The following VPS39 variants were observed in gnomAD, a reference collection of about 807,000 sequenced individuals.
VPS39 encodes the protein vam6/Vps39-like protein.
Under a neutral mutation model 121.0 loss-of-function variants are expected in VPS39, and 70 were observed. That is an observed-to-expected ratio of 0.58 (90% CI 0.48 to 0.71). The LOEUF is 0.71. Ranked by LOEUF, VPS39 falls within the 30% of genes least tolerant of loss-of-function variation. VPS39 has a pLI of 0.00. For synonymous variants in VPS39, 378 were observed against 398.1 expected (o/e 0.95, Z 0.60); for missense variants, 818 against 1,051.5 (o/e 0.78, Z 3.07).
At chr15:42,199,039 C>T (rs1162438540) in intron 2 of VPS39, among the ~76,000 whole-genome samples, 1 of 152,114 alleles carries the variant, frequency 6.6e-6, no homozygotes, top group East Asian at 1.9e-4. Flanking sequence ...CTCCAGGTTC[C>T]ACAAGAGAGC....
At chr15:42,206,220 C>A (rs2050168592) in intron 1 of VPS39, among the ~76,000 whole-genome samples, 1 of 152,162 alleles carries the variant, frequency 6.6e-6, no homozygotes, top group Admixed American at 6.5e-5. Context: ...CCCTGTGTGA[C>A]CTGCCTCTGG....
chr15:42,203,901 A>G (rs2050117623), intron 1 of VPS39, among the ~76,000 whole-genome samples: 1 of 152,236 alleles, frequency 6.6e-6, no homozygotes, highest in African/African-American at 2.4e-5. Flanking sequence ...CTGAGACTCA[A>G]TACAGTAACA....
At chr15:42,179,472 G>A (rs1381181921) in intron 8 of VPS39, among the ~76,000 whole-genome samples, 2 of 151,284 alleles carry the variant, frequency 1.3e-5, no homozygotes, top group Non-Finnish European at 2.9e-5. Context: ...AGCTACTCGG[G>A]AGGCTGAGGC....
At chr15:42,180,295 C>T (rs1036606115) in intron 8 of VPS39, among the ~76,000 whole-genome samples, 6 of 152,192 alleles carry the variant, frequency 3.9e-5, no homozygotes, top group African/African-American at 1.4e-4. Context: ...ACCTTTCATT[C>T]ATCTATCCAT....
chr15:42,208,066 G>A lies in VPS39; in HGVS notation c.73+15C>T, dbSNP rs370310112. On this transcript the variant is annotated intron_variant, in intron 1 of 24. Transcript: ENST00000318006. ...TGTGCTGACTCCGCCTCGGCCCCGC[G>A]GCCCCTCGGCTCACCCCAGGCAGCC... The A allele has an allele frequency of 2.1e-4, 326 of 1,570,876 alleles. No individual in the cohort carries two copies. The highest frequency in any genetic ancestry group is 2.7e-4 in the Non-Finnish European group (312 of 1,157,474).
chr15:42,187,435 G>A, intron 6 of VPS39, 72 bp from the exon 7 acceptor site: 2 of 1,387,330 alleles, frequency 1.4e-6, no homozygotes, highest in Admixed American at 2.2e-5. Flanking sequence ...CTGTTATTCT[G>A]CAACCTCCAT....
intron 8 of VPS39, among the ~76,000 whole-genome samples, chr15:42,182,937 G>A (rs539449674): frequency 3.3e-5 from 5 of 152,220 alleles, no homozygotes; most frequent in South Asian, 4.1e-4. Context: ...AAACAAGGTC[G>A]CCTAGAACAT....
chr15:42,189,794 C>CTTTTTT (rs34353468), intron 4 of VPS39, among the ~76,000 whole-genome samples: 3 of 34,026 alleles, frequency 8.8e-5, no homozygotes, highest in African/African-American at 2.7e-4. Context: ...CCAAAACACT[C>CTTTTTT]TTTTTTTTTT....
At chr15:42,180,276 T>TA (rs954291177) in intron 8 of VPS39, among the ~76,000 whole-genome samples, 7 of 151,102 alleles carry the variant, frequency 4.6e-5, no homozygotes, top group South Asian at 2.1e-4. Context: ...CTATTATATC[T>TA]AAAAAAAAAC....
chr15:42,167,720 C>CA (rs1314091873), intron 12 of VPS39, among the ~76,000 whole-genome samples, 183 bp from the exon 13 acceptor site: 2 of 152,116 alleles, frequency 1.3e-5, no homozygotes, highest in African/African-American at 4.8e-5. Flanking sequence ...TGAATATTTA[C>CA]TACAGACCAG....
At chr15:42,201,178 T>TTA (rs2050060770) in intron 1 of VPS39, among the ~76,000 whole-genome samples, 1 of 151,872 alleles carries the variant, frequency 6.6e-6, no homozygotes, top group Non-Finnish European at 1.5e-5. Context: ...CACTTTTTTT[T>TTA]AACTTTTATT....
chr15:42,184,465 T>G, intron 8 of VPS39, 52 bp downstream of exon 8: 1 of 1,528,254 alleles, frequency 6.5e-7, no homozygotes, highest in South Asian at 1.3e-5. Context: ...TCTGCAGGAA[T>G]GGCACACAAC....
chr15:42,175,419 A>G (rs1457361420), intron 10 of VPS39, among the ~76,000 whole-genome samples: 10 of 151,874 alleles, frequency 6.6e-5, no homozygotes, highest in African/African-American at 2.2e-4. Context: ...GAAAAAAAAA[A>G]AAAAAGAAAG....
chr15:42,198,396 G>A (rs2049989610), intron 2 of VPS39, among the ~76,000 whole-genome samples: 1 of 152,110 alleles, frequency 6.6e-6, no homozygotes, highest in Non-Finnish European at 1.5e-5. Context: ...TGTTGCTGAG[G>A]CTGGAGAGCA....
chr15:42,206,849 A>G lies in VPS39; in HGVS notation c.73+1232T>C, dbSNP rs1488939194. On this transcript the variant is annotated intron_variant, in intron 1 of 24. Coordinates refer to ENST00000318006, the MANE Select transcript of VPS39 (RefSeq NM_015289.5). ...TATCTGATGAAGCAATGGGGGAATT[A>G]ATCCTTTCATGCAGTGTCAGGTCTT... 2.6e-5 allele frequency among the ~76,000 whole-genome samples: 4 copies of G among 152,216 alleles called. No homozygotes were observed. The East Asian group carries it at 7.7e-4, about 29-fold the overall frequency.
At chr15:42,171,728 T>C (rs997062110) in intron 11 of VPS39, among the ~76,000 whole-genome samples, 4 of 152,180 alleles carry the variant, frequency 2.6e-5, no homozygotes, top group Non-Finnish European at 5.9e-5. Flanking sequence ...AAATTGAAAC[T>C]ACCTTAATAA....
intron 1 of VPS39, among the ~76,000 whole-genome samples, chr15:42,201,480 G>A (rs970265716): frequency 2.0e-5 from 3 of 152,156 alleles, no homozygotes; most frequent in Non-Finnish European, 2.9e-5. Context: ...CAGCCAAATT[G>A]TACATTTTAA....
chr15:42,173,591 G>C, intron 11 of VPS39, 132 bp downstream of exon 11: 1 of 1,197,952 alleles, frequency 8.3e-7, no homozygotes, highest in Non-Finnish European at 1.2e-6. Context: ...ACAGGATCTT[G>C]CTAGGTATGA....
At chr15:42,165,240 G>T in intron 17 of VPS39, 127 bp from the exon 18 acceptor site, 2 of 840,824 alleles carry the variant, frequency 2.4e-6, no homozygotes, top group South Asian at 1.6e-5. Context: ...CTGCAAAGAT[G>T]ACTAAGAGAC....
Sources: allele counts gnomAD v4.1 joint callset (sites outside exome capture counted in the v4.1 genomes callset), GRCh38; gene constraint gnomAD v4.1.1; transcripts MANE v1.5; gene names NCBI Gene and HGNC (gene_info 2026-07-23, HGNC 2026-07-21).